Variants in KNL1 observed in about 807,000 individuals in gnomAD.
KNL1 encodes kinetochore scaffold 1, also known as outer kinetochore KNL1 complex subunit KNL1.
A neutral mutation model predicts 201.3 loss-of-function variants in KNL1; 66 were observed. That is an observed-to-expected ratio of 0.33 (90% CI 0.27 to 0.40). The LOEUF (loss-of-function observed/expected upper bound fraction) is 0.40. Among genes scored for constraint, KNL1 ranks in the 10% least tolerant of loss-of-function variants. The pLI is 1.00. For synonymous variants in KNL1, 895 were observed against 899.2 expected (o/e 1.00, Z 0.08); for missense variants, 2,815 against 2,690.5 (o/e 1.05, Z -1.02).
In KNL1 at chr15:40,641,012, G is replaced by A. The variant is rs377754179; in HGVS notation, c.5783G>A (p.Arg1928His). The change falls in exon 14 of 26, where the codon CGC (arginine) becomes CAC (histidine). Residue 1928 changes from arginine to histidine, a missense_variant. Arg to His is a conservative substitution (Grantham distance 29). Transcript: ENST00000399668. Reference sequence around the variant, plus strand: ...TATAGAGAAGATTGTGAGGCTCGTCGCCAAAAGATTGAAGAGTATGAAAGC... The same window carrying A: ...TATAGAGAAGATTGTGAGGCTCGTCACCAAAAGATTGAAGAGTATGAAAGC... ...QIYREDCEAR[R>H]QKIEELKLSA... 1.9e-5 allele frequency: 30 copies of A among 1,606,856 alleles called. No individual in the cohort carries two copies. The highest frequency in any genetic ancestry group is 2.2e-5 in the East Asian group (1 of 44,808).
intron 3 of KNL1, 80 bp downstream of exon 3, chr15:40,605,229 C>T: frequency 1.3e-6 from 1 of 784,550 alleles, no homozygotes; most frequent in East Asian, 2.5e-5. Flanking sequence ...TTGACTGTGG[C>T]TTCACCATCC....
Position 40,657,129 on chromosome 15 carries a change from C to T in KNL1, c.6572C>T (p.Thr2191Ile), listed in dbSNP as rs777487591. 6.2e-7 allele frequency: 1 copy of T among 1,604,058 alleles called. No homozygotes were observed. The highest frequency in any genetic ancestry group is 8.5e-7 in the Non-Finnish European group (1 of 1,173,582). The stretch of plus-strand genomic sequence containing the variant: ...AAGGAATCCTGGAAGAAGACATGTA[C>T]AACCCAGCATCAGTTACCCAAGGTA... Reference protein sequence around the residue: ...EEKESWKKTCTTQHQLPKMLE... With the variant: ...EEKESWKKTCITQHQLPKMLE... The change falls in exon 23 of 26, where the codon ACA becomes ATA. Residue 2191 changes from threonine to isoleucine, a missense_variant. By Grantham distance (89) the Thr-to-Ile change is moderately conservative. Coordinates refer to ENST00000399668, the MANE Select transcript of KNL1 (RefSeq NM_144508.5).
Position 40,625,495 on chromosome 15 carries a change from A to G in KNL1, c.5231A>G (p.Lys1744Arg), listed in dbSNP as rs1316041482. Residue 1744 changes from lysine (K) to arginine (R), a missense_variant, in exon 10 of 26, where the codon AAA (lysine) becomes AGA (arginine). Around this residue, in one of 3 missense-constraint regions of KNL1, gnomAD observed 2,464 missense variants for 2,291.7 expected, o/e 1.08. Transcript: ENST00000399668. ...EEKALIETYQ[K>R]EISPYENKMG... ...AAGGCCTTGATTGAGACATACCAAA[A>G]AGAGATTTCACCATATGAAAATAAA... is the stretch of plus-strand genomic sequence containing the variant. The G allele has an allele frequency of 3.1e-6, 5 of 1,613,294 alleles. No homozygotes were observed. In the African/African-American group the frequency reaches 5.3e-5, roughly 17 times the overall value.
chr15:40,632,196 G>A (rs1197733838), intron 13 of KNL1, among the ~76,000 whole-genome samples: 1 of 146,930 alleles, frequency 6.8e-6, no homozygotes, highest in Non-Finnish European at 1.5e-5. Flanking sequence ...GACCAGCCTG[G>A]GCAACATAGC....
rs199666324 is a variant in KNL1, at chr15:40,640,061, T to TTTTTCTTTTC, written c.5683-841_5683-832dup. Among the ~76,000 whole-genome samples, 4 of 148,044 alleles carry TTTTTCTTTTC rather than the reference T, an allele frequency of 2.7e-5. No homozygotes were observed. The South Asian group carries it at 6.2e-4, about 23-fold the overall frequency. On this transcript the variant is annotated intron_variant, in intron 13 of 25. Coordinates refer to ENST00000399668, the MANE Select transcript of KNL1 (RefSeq NM_144508.5). ...TTGTAAATAAGGAGCTGACTTGATT[T>TTTTTCTTTTC]TTTTCTTTTCTTTTCTTTTTTTTCT...
In KNL1 at chr15:40,624,930, A is replaced by G; in HGVS notation, c.4666A>G (p.Ser1556Gly). The G allele has an allele frequency of 6.2e-7, 1 of 1,613,590 alleles. No homozygotes were observed. The highest frequency in any genetic ancestry group is 8.5e-7 in the Non-Finnish European group (1 of 1,179,916). The change falls in exon 10 of 26, where the codon AGT becomes GGT. Residue 1556 changes from serine (S) to glycine (G), a missense_variant. By Grantham distance (56) the Ser-to-Gly change is moderately conservative. Transcript: ENST00000399668. ...VITSNVPCFH[S>G]IKPNLNNLNG... ...TACATCTAATGTTCCATGTTTTCAT[A>G]GTATCAAACCAAATCTGAATAATTT... is the stretch of plus-strand genomic sequence containing the variant.
In KNL1 at chr15:40,646,994, G is replaced by C. The variant is rs1388643467; in HGVS notation, c.6014G>C (p.Arg2005Thr). Residue 2005 changes from arginine (R) to threonine (T), a missense_variant, in exon 17 of 26, where the codon AGG (arginine) becomes ACG (threonine). This residue lies in a region of KNL1 where 334 missense variants were observed against 362.6 expected (regional missense o/e 0.92). Coordinates refer to ENST00000399668, the MANE Select transcript of KNL1 (RefSeq NM_144508.5). ...ATAATCTTTTGTATTTAGAATGAGA[G>C]GGAGAAACTTCAAATAAAGATAGAT... is the stretch of plus-strand genomic sequence containing the variant. Reference protein sequence around the residue: ...GKLVQSAQNEREKLQIKIDEM... With the variant: ...GKLVQSAQNETEKLQIKIDEM... 1.4e-6 allele frequency: 2 copies of C among 1,392,248 alleles called. No homozygotes were observed. The highest frequency in any genetic ancestry group is 2.0e-6 in the Non-Finnish European group (2 of 979,014). The allele number at this position is 1,392,248 out of a possible 1,614,324, so 86.2% of individuals were successfully genotyped here.
intron 13 of KNL1, among the ~76,000 whole-genome samples, chr15:40,638,258 G>C: frequency 2.2e-5 from 1 of 45,778 alleles, no homozygotes; most frequent in Non-Finnish European, 5.0e-5. Context: ...GGAGGGGGGA[G>C]GGGGAGGGGG....
At chr15:40,634,790 G>A (rs912771648) in intron 13 of KNL1, among the ~76,000 whole-genome samples, 2 of 152,168 alleles carry the variant, frequency 1.3e-5, no homozygotes, top group Admixed American at 1.3e-4. Context: ...TATTGGCAGG[G>A]TGAAGGAGGG....
chr15:40,598,782 G>A (rs1039806868), intron 1 of KNL1, among the ~76,000 whole-genome samples: 5 of 151,804 alleles, frequency 3.3e-5, no homozygotes, highest in Non-Finnish European at 5.9e-5. Context: ...TCTATTTCTC[G>A]TTTGCTGTAT....
Position 40,594,650 on chromosome 15 carries a change from C to G in KNL1, c.-18+258C>G, listed in dbSNP as rs540391144. ...CCTCGGCCCCTCCGGCCACCCGGCT[C>G]GGGTTGCTTGTCCGTCGCTCTCTTG... On this transcript the variant is annotated intron_variant, in intron 1 of 25. Transcript: ENST00000399668. 2.0e-5 allele frequency among the ~76,000 whole-genome samples: 3 copies of G among 152,352 alleles called. No homozygotes were observed. In the South Asian group the frequency reaches 6.2e-4, roughly 32 times the overall value.
intron 20 of KNL1, 144 bp from the exon 21 acceptor site, chr15:40,651,861 A>G (rs955149086): frequency 1.7e-6 from 1 of 579,006 alleles, no homozygotes; most frequent in Non-Finnish European, 3.0e-6. Context: ...TTGTACATCC[A>G]CAATATATGA....
intron 10 of KNL1, among the ~76,000 whole-genome samples, chr15:40,626,439 G>C (rs1892755888): frequency 6.6e-6 from 1 of 151,154 alleles, no homozygotes; most frequent in Non-Finnish European, 1.5e-5. Flanking sequence ...CCAAAGTCCT[G>C]ATATTACAGG....
At chr15:40,627,055 C>T (rs1299927472) in intron 10 of KNL1, among the ~76,000 whole-genome samples, 3 of 152,076 alleles carry the variant, frequency 2.0e-5, no homozygotes, top group African/African-American at 4.8e-5. Flanking sequence ...CCACCACACC[C>T]GGCTAATCTT....
At chr15:40,657,182 A>C (rs776932609) in intron 23 of KNL1, 31 bp downstream of exon 23, 2 of 1,373,640 alleles carry the variant, frequency 1.5e-6, no homozygotes, top group Non-Finnish European at 2.0e-6. Flanking sequence ...TTAAAGGAAA[A>C]TTTGTGATAT....
intron 1 of KNL1, among the ~76,000 whole-genome samples, chr15:40,597,942 C>A (rs1005971685): frequency 2.6e-5 from 4 of 152,068 alleles, no homozygotes; most frequent in African/African-American, 9.7e-5. Context: ...GAGGCCGAGG[C>A]GGGCAGATCA....
At chr15:40,613,287 A>G (rs1775855067) in intron 7 of KNL1, among the ~76,000 whole-genome samples, 2 of 152,168 alleles carry the variant, frequency 1.3e-5, no homozygotes, top group Non-Finnish European at 2.9e-5. Flanking sequence ...GTGTGTGTAC[A>G]TGTATAATGT....
At chr15:40,613,481 A>G (rs1473726355) in intron 7 of KNL1, among the ~76,000 whole-genome samples, 1 of 152,234 alleles carries the variant, frequency 6.6e-6, no homozygotes, top group Non-Finnish European at 1.5e-5. Flanking sequence ...AAATGGAAGT[A>G]ATAGTAGTCA....
Position 40,645,083 on chromosome 15 carries a change from A to G in KNL1, c.5885A>G (p.Lys1962Arg), listed in dbSNP as rs1361413933. 6.2e-7 allele frequency: 1 copy of G among 1,600,778 alleles called. No homozygotes were observed. Among genetic ancestry groups the G allele is most frequent in the East Asian group, 2.2e-5 (1 of 44,688 alleles). Reference sequence around the variant, plus strand: ...GAAAAAATGAGACACTGCTCTGACAAAGAGGTACTTTTGTCTCATTTTCTG... The same window carrying G: ...GAAAAAATGAGACACTGCTCTGACAGAGAGGTACTTTTGTCTCATTTTCTG... Reference protein sequence around the residue: ...LWEKMRHCSDKELKAFGIYLN... With the variant: ...LWEKMRHCSDRELKAFGIYLN... The change falls in exon 15 of 26, where the codon AAA becomes AGA. Residue 1962 changes from lysine to arginine, a missense_variant. By Grantham distance (26) the Lys-to-Arg change is conservative (BLOSUM62 2). This residue lies in a region of KNL1 where 2,464 missense variants were observed against 2,291.7 expected (regional missense o/e 1.08). Transcript: ENST00000399668.
Sources: gnomAD v4.1 joint callset for allele counts (sites outside exome capture counted in the v4.1 genomes callset) on GRCh38, gnomAD v4.1.1 for gene constraint, gnomAD v4.1.1 regional missense constraint, MANE v1.5 for transcripts, NCBI Gene and HGNC (gene_info 2026-07-23, HGNC 2026-07-21) for gene names.